CACHD1: variants seen among roughly 807,000 people sequenced by gnomAD.
CACHD1 encodes the protein VWFA and cache domain-containing protein 1.
A neutral mutation model predicts 138.7 loss-of-function variants in CACHD1; 71 were observed. The ratio of observed to expected loss-of-function variants is 0.51; its 90% CI spans 0.42 to 0.62. The LOEUF (loss-of-function observed/expected upper bound fraction) is 0.62, where lower values mean the gene tolerates loss of function less well. Ranked by LOEUF, CACHD1 falls within the 20% of genes least tolerant of loss-of-function variation. The pLI is 0.00. For synonymous variants in CACHD1, 578 were observed against 591.5 expected (o/e 0.98, Z 0.33); for missense variants, 1,389 against 1,625.3 (o/e 0.85, Z 2.50).
intron 3 of CACHD1, among the ~76,000 whole-genome samples, chr1:64,592,723 C>T (rs1385680496): frequency 1.3e-5 from 2 of 152,032 alleles, no homozygotes; most frequent in Non-Finnish European, 2.9e-5. Context: ...AAGCAAGGAA[C>T]GGCTGTGGTC....
chr1:64,663,962 C>A, intron 14 of CACHD1, 125 bp downstream of exon 14: 1 of 1,274,640 alleles, frequency 7.8e-7, no homozygotes, highest in Non-Finnish European at 1.1e-6. Context: ...TGGAGAGCTG[C>A]AGAGTGTGTG....
chr1:64,653,783 T>C lies in CACHD1; in HGVS notation c.1566T>C (p.Leu522=), dbSNP rs1189655668. Reference sequence around the variant, plus strand: ...GATATACACTTATGCACCCATCTCTTACCAGGCCATATTTATTGTCAGAGC... The same window carrying C: ...GATATACACTTATGCACCCATCTCTCACCAGGCCATATTTATTGTCAGAGC... ...DKGYTLMHPS[L]TRPYLLSEPP... is the part of the protein sequence containing the mutation. The change falls in exon 11 of 27, where the codon CTT becomes CTC. Residue 522 remains leucine (L), a synonymous_variant. Transcript: ENST00000651257. The C allele has an allele frequency of 1.9e-6, 3 of 1,613,426 alleles. No homozygotes were observed. Among genetic ancestry groups the C allele is most frequent in the Non-Finnish European group, 2.5e-6 (3 of 1,179,472 alleles).
intron 1 of CACHD1, among the ~76,000 whole-genome samples, chr1:64,550,144 A>G (rs1403222858): frequency 6.6e-6 from 1 of 152,190 alleles, no homozygotes; most frequent in Non-Finnish European, 1.5e-5. Flanking sequence ...AAGGTGATAG[A>G]TAATATTGGG....
intron 1 of CACHD1, among the ~76,000 whole-genome samples, chr1:64,524,389 T>C (rs1389044895): frequency 6.6e-6 from 1 of 152,206 alleles, no homozygotes; most frequent in African/African-American, 2.4e-5. Context: ...TGTAGTGTGT[T>C]GGCTCCATGT....
At chr1:64,664,908 T>C (rs763333479) in intron 15 of CACHD1, among the ~76,000 whole-genome samples, 3 of 152,238 alleles carry the variant, frequency 2.0e-5, no homozygotes, top group Non-Finnish European at 2.9e-5. Flanking sequence ...TGAAATTCTT[T>C]ATGCTTGGCA....
At chr1:64,629,284 A>T in intron 4 of CACHD1, 71 bp from the exon 5 acceptor site, 1 of 1,520,290 alleles carries the variant, frequency 6.6e-7, no homozygotes, top group South Asian at 1.3e-5. Context: ...TGCAAAACAG[A>T]TGCCTGAGGA....
intron 19 of CACHD1, 125 bp from the exon 20 acceptor site, chr1:64,675,274 CTT>C: frequency 1.5e-6 from 1 of 675,476 alleles, no homozygotes; most frequent in Non-Finnish European, 2.3e-6. Flanking sequence ...TTAACAGTGA[CTT>C]TTGTAATCAG....
chr1:64,684,330 G>A (rs1341708632), intron 26 of CACHD1, among the ~76,000 whole-genome samples: 1 of 138,150 alleles, frequency 7.2e-6, no homozygotes, highest in Non-Finnish European at 1.6e-5. Flanking sequence ...TCATATTCGT[G>A]GATTTTCTTT....
chr1:64,553,475 C>T (rs1646774885), intron 2 of CACHD1, among the ~76,000 whole-genome samples: 1 of 152,176 alleles, frequency 6.6e-6, no homozygotes, highest in South Asian at 2.1e-4. Flanking sequence ...AGAACAACTC[C>T]ATGAGGTAGG....
intron 26 of CACHD1, among the ~76,000 whole-genome samples, chr1:64,690,587 T>C (rs143628798): frequency 6.6e-6 from 1 of 152,338 alleles, no homozygotes; most frequent in African/African-American, 2.4e-5. Flanking sequence ...ACACAGAGAA[T>C]AGCTGATTGC....
chr1:64,635,245 T>G (rs986204805), intron 7 of CACHD1, among the ~76,000 whole-genome samples: 4 of 152,118 alleles, frequency 2.6e-5, no homozygotes, highest in African/African-American at 9.7e-5. Context: ...CTCTTTGACT[T>G]GGAGTGGAAG....
Position 64,647,880 on chromosome 1 carries a change from C to A in CACHD1, c.1236C>A (p.Asp412Glu), listed in dbSNP as rs771777535. The A allele has an allele frequency of 4.3e-6, 7 of 1,614,004 alleles. No individual in the cohort carries two copies. The highest frequency in any genetic ancestry group is 1.7e-5 in the Admixed American group (1 of 60,004). ...EQNSGKYGVP[D>E]RMALPVIKGS... ...ATTCAGGGAAGTACGGTGTGCCAGA[C>A]CGGATGGCCTTGCCTGTGATTAAGG... The change falls in exon 9 of 27, where the codon GAC (aspartate) becomes GAA (glutamate). Residue 412 changes from aspartate (D) to glutamate (E), a missense_variant. By Grantham distance (45) the Asp-to-Glu change is conservative. This residue lies in a region of CACHD1 where 1,000 missense variants were observed against 1,114.7 expected (regional missense o/e 0.90). Coordinates refer to ENST00000651257, the MANE Select transcript of CACHD1 (RefSeq NM_020925.4).
At chr1:64,565,693 T>C (rs187243991) in intron 2 of CACHD1, among the ~76,000 whole-genome samples, 22 of 152,342 alleles carry the variant, frequency 1.4e-4, no homozygotes, top group Non-Finnish European at 3.2e-4. Flanking sequence ...ATTGTTCTAA[T>C]ATTTATGTTT....
chr1:64,603,099 C>CTTTTTTTTT (rs34372401), intron 4 of CACHD1, among the ~76,000 whole-genome samples, 187 bp downstream of exon 4: 1 of 64,940 alleles, frequency 1.5e-5, no homozygotes, highest in African/African-American at 5.0e-5. Flanking sequence ...AAGCTTACAT[C>CTTTTTTTTT]TTTTTTTTTT....
At chr1:64,667,680 A>G (rs1276956002) in intron 16 of CACHD1, among the ~76,000 whole-genome samples, 1 of 152,134 alleles carries the variant, frequency 6.6e-6, no homozygotes, top group Non-Finnish European at 1.5e-5. Flanking sequence ...TTTTGAGGGG[A>G]AGCAGTCACC....
intron 2 of CACHD1, among the ~76,000 whole-genome samples, chr1:64,558,449 C>G (rs537295127): frequency 2.0e-5 from 3 of 152,334 alleles, no homozygotes; most frequent in African/African-American, 4.8e-5. Context: ...CCTGATTTTC[C>G]TTTTCCTTGT....
chr1:64,682,050 A>G lies in CACHD1; in HGVS notation c.3530A>G (p.His1177Arg), dbSNP rs763546402. ...GCTGCGGTCATCGAACGACATGCAC[A>G]CAGTCCAGAAAGAAGGCGCCGCTAC... ...FIAAVIERHA[H>R]SPERRRRYWG... Residue 1177 changes from histidine to arginine, a missense_variant, in exon 26 of 27, where the codon CAC becomes CGC. His to Arg is a conservative substitution (Grantham distance 29). Around this residue, in one of 5 missense-constraint regions of CACHD1, gnomAD observed 250 missense variants for 292.9 expected, o/e 0.85. Coordinates refer to ENST00000651257, the MANE Select transcript of CACHD1 (RefSeq NM_020925.4). The G allele has an allele frequency of 2.2e-5, 36 of 1,614,012 alleles. 1 individual carries two copies. The Admixed American group carries it at 5.8e-4, about 26-fold the overall frequency.
chr1:64,617,776 A>T (rs1221455428), intron 4 of CACHD1, among the ~76,000 whole-genome samples: 4 of 152,194 alleles, frequency 2.6e-5, no homozygotes, highest in African/African-American at 7.2e-5. Flanking sequence ...GAATATCCTC[A>T]GCTTAGAAAG....
At chr1:64,574,481 C>T (rs1165178585) in intron 2 of CACHD1, among the ~76,000 whole-genome samples, 1 of 152,200 alleles carries the variant, frequency 6.6e-6, no homozygotes, top group East Asian at 1.9e-4. Context: ...AGAAGAGTCA[C>T]TGACAGCTGT....
Sources: allele counts gnomAD v4.1 joint callset (sites outside exome capture counted in the v4.1 genomes callset), GRCh38; gene constraint gnomAD v4.1.1; regional missense constraint gnomAD v4.1.1; transcripts MANE v1.5; gene names NCBI Gene and HGNC (gene_info 2026-07-23, HGNC 2026-07-21).